TYW1B: variants seen among roughly 807,000 people sequenced by gnomAD.
TYW1B encodes S-adenosyl-L-methionine-dependent tRNA 4-demethylwyosine synthase TYW1B.
Under a neutral mutation model 86.9 loss-of-function variants are expected in TYW1B, and 73 were observed. That is an observed-to-expected ratio of 0.84 (90% CI 0.70 to 1.02). The LOEUF (loss-of-function observed/expected upper bound fraction) is 1.02. TYW1B is among the 50% of genes least tolerant of loss of function. The pLI, the probability that TYW1B is intolerant of heterozygous loss-of-function variation, is 0.00. For synonymous variants in TYW1B, 248 were observed against 292.8 expected (o/e 0.85, Z 1.56); for missense variants, 637 against 827.4 (o/e 0.77, Z 2.82).
In TYW1B at chr7:72,667,048, A is replaced by AAAAAAAG. The variant is rs60588106; in HGVS notation, c.1506+27638_1506+27639insCTTTTTT. On this transcript the variant is annotated intron_variant, in intron 11 of 13. Coordinates refer to ENST00000620995, the MANE Select transcript of TYW1B (RefSeq NM_001145440.3). The stretch of plus-strand genomic sequence containing the variant: ...CTCCGTCTCAAAAAAAAAAAAAAAA[A>AAAAAAAG]AAAGAAACTAAAACAGGGTAAAATG... Among the ~76,000 whole-genome samples, 295 of 131,288 alleles carry AAAAAAAG rather than the reference A, an allele frequency of 2.2e-3. 7 individuals carry two copies. The highest frequency in any genetic ancestry group is 3.8e-3 in the Non-Finnish European group (240 of 63,566). The allele number at this position is 131,288 out of a possible 152,430, so 86.1% of individuals were successfully genotyped here. A position where few individuals can be genotyped will look rare whatever the true frequency, so the allele number is the denominator to read the frequency against.
chr7:72,689,954 G>A (rs1814102466), intron 11 of TYW1B, among the ~76,000 whole-genome samples: 1 of 152,082 alleles, frequency 6.6e-6, no homozygotes, highest in South Asian at 2.1e-4. Context: ...ATTAGATAGA[G>A]GGCTATCTCA....
Position 72,613,750 on chromosome 7 carries a change from G to A in TYW1B, c.1785+2922C>T, listed in dbSNP as rs1811996257. On this transcript the variant is annotated intron_variant, in intron 13 of 13. Coordinates refer to ENST00000620995, the MANE Select transcript of TYW1B (RefSeq NM_001145440.3). Reference sequence around the variant, plus strand: ...TAAACAAAGCTGGCTGACTCCTATAGAGTAGATCCTGAACTGGAGGGGGAA... The same window carrying A: ...TAAACAAAGCTGGCTGACTCCTATAAAGTAGATCCTGAACTGGAGGGGGAA... Among the ~76,000 whole-genome samples the A allele has an allele frequency of 2.0e-5, 3 of 152,064 alleles. No individual in the cohort carries two copies. In the South Asian group the frequency reaches 6.2e-4, roughly 32 times the overall value.
chr7:72,695,670 G>A (rs1191595777), intron 10 of TYW1B, among the ~76,000 whole-genome samples: 3 of 152,004 alleles, frequency 2.0e-5, no homozygotes, highest in South Asian at 2.1e-4. Flanking sequence ...ACAGCTCACC[G>A]CAGTCTCAAC....
intron 6 of TYW1B, among the ~76,000 whole-genome samples, chr7:72,794,866 T>C (rs1394904860): frequency 5.3e-5 from 8 of 151,460 alleles, no homozygotes; most frequent in African/African-American, 1.9e-4. Flanking sequence ...TCGCCCAGAC[T>C]AGAGTGCAGT....
intron 11 of TYW1B, among the ~76,000 whole-genome samples, chr7:72,642,474 C>T (rs782723225): frequency 1.7e-4 from 26 of 152,132 alleles, no homozygotes; most frequent in Non-Finnish European, 1.6e-4. Context: ...CACACTAAAA[C>T]CTGTGCATGA....
chr7:72,702,378 T>C (rs2960968), intron 10 of TYW1B, among the ~76,000 whole-genome samples: 121,007 of 151,982 alleles, frequency 0.8, 48,700 homozygotes, highest in Middle Eastern at 0.87. Context: ...TGGTTGTGAG[T>C]TACTGGTTTT....
chr7:72,794,211 C>T (rs1424028636), intron 6 of TYW1B, among the ~76,000 whole-genome samples: 7 of 152,080 alleles, frequency 4.6e-5, no homozygotes, highest in Non-Finnish European at 1.0e-4. Context: ...TGACAGACTT[C>T]AAAAGAGAAG....
chr7:72,689,003 G>A (rs1814075642), intron 11 of TYW1B, among the ~76,000 whole-genome samples: 1 of 152,146 alleles, frequency 6.6e-6, no homozygotes, highest in Admixed American at 6.6e-5. Flanking sequence ...AGGGTAAAAT[G>A]GCATTAAATC....
chr7:72,784,559 G>A (rs1354303572), intron 6 of TYW1B, among the ~76,000 whole-genome samples: 1 of 152,124 alleles, frequency 6.6e-6, no homozygotes, highest in Admixed American at 6.6e-5. Flanking sequence ...GTACAGAGGC[G>A]CAATCTCGGC....
Position 72,820,639 on chromosome 7 carries a change from G to C in TYW1B, c.136-5158C>G, listed in dbSNP as rs564171882. On this transcript the variant is annotated intron_variant, in intron 2 of 13. Coordinates refer to ENST00000620995, the MANE Select transcript of TYW1B (RefSeq NM_001145440.3). ...AACAAGAGTGCAGGAGAGGTTCCAG[G>C]CTCTTCTTACCAACAAGCTCTCTTG... 2.1e-3 allele frequency among the ~76,000 whole-genome samples: 317 copies of C among 152,046 alleles called. 2 individuals are homozygous for C. The highest frequency in any genetic ancestry group is 7.3e-3 in the African/African-American group (304 of 41,472).
chr7:72,640,570 T>C (rs573894598), intron 11 of TYW1B, among the ~76,000 whole-genome samples: 2 of 150,148 alleles, frequency 1.3e-5, no homozygotes, highest in Non-Finnish European at 3.0e-5. Context: ...GACTTTAAGA[T>C]GAGAAGGTGA....
intron 3 of TYW1B, among the ~76,000 whole-genome samples, chr7:72,811,562 T>G (rs537141912): frequency 5.9e-5 from 9 of 152,066 alleles, no homozygotes; most frequent in African/African-American, 1.7e-4. Context: ...AGGGGAACCA[T>G]GTTCTCGGTT....
chr7:72,755,631 T>C (rs1267665466), intron 7 of TYW1B, among the ~76,000 whole-genome samples: 4 of 152,198 alleles, frequency 2.6e-5, no homozygotes, highest in African/African-American at 7.2e-5. Context: ...GCCACTGCAC[T>C]CCGGCCTGGG....
intron 11 of TYW1B, among the ~76,000 whole-genome samples, chr7:72,643,480 G>A (rs1314685498): frequency 5.3e-5 from 8 of 151,800 alleles, no homozygotes; most frequent in African/African-American, 9.7e-5. Flanking sequence ...CCAGCTACTC[G>A]GGAGGCTGAG....
rs543230055 is a variant in TYW1B, at chr7:72,721,018, G to A, written c.1193-7220C>T. Reference sequence around the variant, plus strand: ...GCGGTGTTTGGTTTTCTGTCCTTGCGATAGTTTGCTCAGAATGATGGTTTC... The same window carrying A: ...GCGGTGTTTGGTTTTCTGTCCTTGCAATAGTTTGCTCAGAATGATGGTTTC... On this transcript the variant is annotated intron_variant, in intron 9 of 13. Coordinates refer to ENST00000620995, the MANE Select transcript of TYW1B (RefSeq NM_001145440.3). Among the ~76,000 whole-genome samples, 39 of 151,498 alleles carry A rather than the reference G, an allele frequency of 2.6e-4. No individual in the cohort carries two copies. The East Asian group carries it at 4.5e-3, about 17-fold the overall frequency.
chr7:72,704,749 T>C (rs1814573471), intron 10 of TYW1B, among the ~76,000 whole-genome samples: 1 of 152,132 alleles, frequency 6.6e-6, no homozygotes. Context: ...ATTATTATTA[T>C]TATTATCATT....
intron 5 of TYW1B, among the ~76,000 whole-genome samples, chr7:72,803,788 A>T (rs1207376730): frequency 3.3e-5 from 5 of 151,648 alleles, no homozygotes; most frequent in Admixed American, 3.3e-4. Flanking sequence ...TAATTTTTGT[A>T]TTTTTAGTAG....
At chr7:72,827,017 C>A (rs201854451) in intron 1 of TYW1B, 32 bp from the exon 2 acceptor site, 15 of 1,583,366 alleles carry the variant, frequency 9.5e-6, no homozygotes, top group Non-Finnish European at 1.2e-5. Flanking sequence ...CAGATAATTT[C>A]ATTTAAAGCT....
intron 11 of TYW1B, among the ~76,000 whole-genome samples, chr7:72,657,492 T>C (rs2844174): frequency 1.3e-5 from 2 of 152,114 alleles, no homozygotes; most frequent in African/African-American, 4.8e-5. Context: ...CCAGATACAG[T>C]AGGCTCAAAG....
Sources: allele counts gnomAD v4.1 joint callset (sites outside exome capture counted in the v4.1 genomes callset), GRCh38; gene constraint gnomAD v4.1.1; transcripts MANE v1.5; gene names NCBI Gene and HGNC (gene_info 2026-07-23, HGNC 2026-07-21).